The following UBR2 variants were observed in gnomAD, a reference collection of about 807,000 sequenced individuals.
The protein encoded by UBR2 is ubiquitin protein ligase E3 component n-recognin 2.
UBR2 carries 92 observed loss-of-function variants against 247.9 expected under a neutral mutation model. The ratio of observed to expected loss-of-function variants is 0.37; its 90% CI spans 0.31 to 0.44. The LOEUF is 0.44. UBR2 is among the 20% of genes least tolerant of loss of function. UBR2 has a pLI of 1.00. For missense variants in UBR2, 1,613 were observed against 2,112.6 expected (o/e 0.76, Z 4.64); for synonymous variants, 672 against 693.5 (o/e 0.97, Z 0.49).
At chr6:42,575,538 G>C (rs963357099) in intron 2 of UBR2, among the ~76,000 whole-genome samples, 9 of 152,120 alleles carry the variant, frequency 5.9e-5, no homozygotes, top group African/African-American at 2.2e-4. Context: ...AATCTGGAAT[G>C]TTTCCTCAAT....
At chr6:42,642,897 T>C (rs1796528204) in intron 18 of UBR2, among the ~76,000 whole-genome samples, 1 of 152,228 alleles carries the variant, frequency 6.6e-6, no homozygotes, top group Admixed American at 6.5e-5. Flanking sequence ...CTTAACTGCA[T>C]TGAAGTTCCC....
At chr6:42,654,208 GTGTACTAGCTCACTACTAGTACAGC>G (rs1387841251) in intron 25 of UBR2, among the ~76,000 whole-genome samples, 9 of 152,092 alleles carry the variant, frequency 5.9e-5, no homozygotes, top group Non-Finnish European at 1.3e-4. Context: ...TGGAGCTGTG[GTGTACTAGCTCACTACTAGTACAGC>G]TGTACTAGCT....
At chr6:42,631,488 A>G (rs955045619) in intron 11 of UBR2, among the ~76,000 whole-genome samples, 1 of 151,908 alleles carries the variant, frequency 6.6e-6, no homozygotes, top group Non-Finnish European at 1.5e-5. Context: ...TTATGTGCAT[A>G]CTCTTTAACC....
chr6:42,653,907 C>G (rs373640202), intron 25 of UBR2, among the ~76,000 whole-genome samples: 7 of 152,134 alleles, frequency 4.6e-5, no homozygotes, highest in African/African-American at 1.7e-4. Flanking sequence ...CGTGAGCCAC[C>G]GTGCCTGGCC....
chr6:42,669,979 G>A (rs1248484906), intron 34 of UBR2, 113 bp from the exon 35 acceptor site: 4 of 1,257,082 alleles, frequency 3.2e-6, no homozygotes, highest in East Asian at 2.5e-5. Flanking sequence ...AATTATCTCT[G>A]GATATATGTT....
At chr6:42,645,363 AGACT>A (rs1796694672) in intron 20 of UBR2, 99 bp from the exon 21 acceptor site, 9 of 1,107,364 alleles carry the variant, frequency 8.1e-6, no homozygotes. Flanking sequence ...TTGCTCAGAC[AGACT>A]TAGAGAAATA....
At position 42,614,215 on chromosome 6, in the gene UBR2, T is replaced by TAC. The variant is rs1317293687; in HGVS notation, c.986-855_986-854insCA. On this transcript the variant is annotated intron_variant, in intron 8 of 46. Coordinates refer to ENST00000372901, the MANE Select transcript of UBR2 (RefSeq NM_001363705.2). ...AAAAAAAAAAAAAAAACTATATATA[T>TAC]ATACACACACACACACACACACACA... 5.0e-3 allele frequency among the ~76,000 whole-genome samples: 251 copies of TAC among 50,048 alleles called. 7 individuals carry two copies. The highest frequency in any genetic ancestry group is 0.016 in the African/African-American group (240 of 15,234). 32.8% of individuals were successfully genotyped at this position (50,048 alleles called of 152,430 possible). A position where few individuals can be genotyped will look rare whatever the true frequency, so the allele number is the denominator to read the frequency against.
chr6:42,583,298 A>C (rs1341062208), intron 2 of UBR2, among the ~76,000 whole-genome samples: 1 of 152,060 alleles, frequency 6.6e-6, no homozygotes, highest in Non-Finnish European at 1.5e-5. Flanking sequence ...CCCAGGCTGG[A>C]GTGCAATAGC....
At chr6:42,630,954 A>C (rs2151949794) in intron 11 of UBR2, among the ~76,000 whole-genome samples, 1 of 152,010 alleles carries the variant, frequency 6.6e-6, no homozygotes, top group South Asian at 2.1e-4. Context: ...ATACAGGTAC[A>C]TGCCACCACA....
intron 7 of UBR2, among the ~76,000 whole-genome samples, chr6:42,611,739 C>G (rs749520546): frequency 6.6e-6 from 1 of 151,726 alleles, no homozygotes; most frequent in Non-Finnish European, 1.5e-5. Context: ...AACCCTGTCT[C>G]TACTAAAAAT....
At chr6:42,679,997 T>C (rs1326548173) in intron 42 of UBR2, among the ~76,000 whole-genome samples, 165 bp downstream of exon 42, 1 of 151,606 alleles carries the variant, frequency 6.6e-6, no homozygotes, top group African/African-American at 2.4e-5. Context: ...TTTTGTTTTG[T>C]TTTGTTTTTG....
At chr6:42,686,722 G>A (rs1047659357) in intron 44 of UBR2, among the ~76,000 whole-genome samples, 2 of 143,996 alleles carry the variant, frequency 1.4e-5, no homozygotes, top group East Asian at 2.1e-4. Flanking sequence ...CCCACCTCCC[G>A]GACGGGGCAG....
intron 7 of UBR2, among the ~76,000 whole-genome samples, chr6:42,608,000 T>C (rs1034429958): frequency 6.6e-6 from 1 of 152,172 alleles, no homozygotes; most frequent in Non-Finnish European, 1.5e-5. Context: ...AAACATTGTA[T>C]AGTATTTCAT....
In UBR2 at chr6:42,665,893, C is replaced by T. The variant is rs115166553; in HGVS notation, c.3803-274C>T. 3.0e-3 allele frequency among the ~76,000 whole-genome samples: 457 copies of T among 151,686 alleles called. 3 individuals are homozygous for T. Among genetic ancestry groups the T allele is most frequent in the African/African-American group, 0.011 (436 of 41,344 alleles). On this transcript the variant is annotated intron_variant, in intron 33 of 46. Transcript: ENST00000372901. ...CACTGCACTTATGACCTTGTGGGAA[C>T]GTAGTATGAACAGGATTTATATCAT...
At chr6:42,682,413 T>C (rs1035597731) in intron 42 of UBR2, among the ~76,000 whole-genome samples, 9 of 152,008 alleles carry the variant, frequency 5.9e-5, no homozygotes, top group South Asian at 4.2e-4. Context: ...TTTTATGTTA[T>C]ATATATTTTA....
intron 2 of UBR2, among the ~76,000 whole-genome samples, chr6:42,575,541 T>C (rs935639460): frequency 6.6e-6 from 1 of 152,226 alleles, no homozygotes; most frequent in Non-Finnish European, 1.5e-5. Context: ...CTGGAATGTT[T>C]CCTCAATTTT....
chr6:42,619,442 TATATATATA>T lies in UBR2; in HGVS notation c.1281+1936_1281+1944del, dbSNP rs1167396648. 4.4e-3 allele frequency: 159 copies of T among 35,924 alleles called. 13 individuals are homozygous for T. Among genetic ancestry groups the T allele is most frequent in the South Asian group, 9.5e-3 (10 of 1,054 alleles). 2.2% of individuals were successfully genotyped at this position (35,924 alleles called of 1,614,324 possible). Reference sequence around the variant, plus strand: ...ATATATATATATATATATATATATATATATATATATATTTTTTTTTTTTAGTTCTCTATC... The same window carrying T: ...ATATATATATATATATATATATATATTATTTTTTTTTTTTAGTTCTCTATC... On this transcript the variant is annotated intron_variant, in intron 11 of 46. Coordinates refer to ENST00000372901, the MANE Select transcript of UBR2 (RefSeq NM_001363705.2).
At chr6:42,642,286 GTTAA>G (rs1247686594) in intron 17 of UBR2, 126 bp from the exon 18 acceptor site, 1 of 657,628 alleles carries the variant, frequency 1.5e-6, no homozygotes, top group Non-Finnish European at 2.7e-6. Flanking sequence ...CTAAGATAAT[GTTAA>G]TTGTTAGAGA....
At chr6:42,623,746 G>A (rs932430946) in intron 11 of UBR2, among the ~76,000 whole-genome samples, 3 of 152,068 alleles carry the variant, frequency 2.0e-5, no homozygotes, top group African/African-American at 7.2e-5. Context: ...CACTGCACCC[G>A]GCTGGTTTTT....
Sources: gnomAD v4.1 joint callset for allele counts (sites outside exome capture counted in the v4.1 genomes callset) on GRCh38, gnomAD v4.1.1 for gene constraint, MANE v1.5 for transcripts, NCBI Gene and HGNC (gene_info 2026-07-23, HGNC 2026-07-21) for gene names.